The following ATP8A2 variants were observed in gnomAD, a reference collection of about 807,000 sequenced individuals.
ATP8A2 encodes ATPase phospholipid transporting 8A2.
In ATP8A2, 100 loss-of-function variants were observed where a neutral mutation model predicts 165.6. The observed-to-expected ratio is 0.60, with a 90% CI of 0.51 to 0.71. ATP8A2 has a LOEUF of 0.71. Among genes scored for constraint, ATP8A2 ranks in the 30% least tolerant of loss-of-function variants. ATP8A2 has a pLI of 0.00. For synonymous variants in ATP8A2, 543 were observed against 548.8 expected, an observed-to-expected ratio of 0.99 and a Z score of 0.15; for missense variants, 1,227 against 1,479.5, an observed-to-expected ratio of 0.83 and a Z score of 2.80.
intron 24 of ATP8A2, among the ~76,000 whole-genome samples, chr13:25,684,549 C>T (rs2042562004): frequency 6.6e-6 from 1 of 152,166 alleles, no homozygotes; most frequent in African/African-American, 2.4e-5. Flanking sequence ...TTAGAAACCT[C>T]TTGGTATATT....
At chr13:25,452,308 C>T (rs12875193) in intron 1 of ATP8A2, among the ~76,000 whole-genome samples, 7,074 of 152,294 alleles carry the variant, frequency 0.046, 205 homozygotes, top group East Asian at 0.094. Context: ...ACGGGCTGAG[C>T]GCACACAGAG....
At position 25,372,663 on chromosome 13, in the gene ATP8A2, G is replaced by T. The variant is rs978910200; in HGVS notation, c.76+375G>T. On this transcript the variant is annotated intron_variant, in intron 1 of 36. Coordinates refer to ENST00000381655, the MANE Select transcript of ATP8A2 (RefSeq NM_016529.6). This position sits in a 1 kb window ranked among gnomAD's most constrained non-coding sequence, Gnocchi z 4.8. ...TCACCGCGATGGTGGGCACGGTTTG[G>T]CGGCGCAGAGAAGATGCAGCCTTCC... Among the ~76,000 whole-genome samples, 1 of 152,224 alleles carries T rather than the reference G, an allele frequency of 6.6e-6. No homozygotes were observed. The highest frequency in any genetic ancestry group is 1.5e-5 in the Non-Finnish European group (1 of 68,038).
At chr13:25,595,144 A>T (rs2040203658) in intron 24 of ATP8A2, among the ~76,000 whole-genome samples, 1 of 152,220 alleles carries the variant, frequency 6.6e-6, no homozygotes, top group East Asian at 1.9e-4. Flanking sequence ...TAAGAGATTT[A>T]CTACATATTT....
chr13:25,824,226 C>T (rs1031492304), intron 27 of ATP8A2, among the ~76,000 whole-genome samples: 1 of 152,174 alleles, frequency 6.6e-6, no homozygotes, highest in East Asian at 1.9e-4. Flanking sequence ...CCCTCCTTGG[C>T]CTCCCAAAGT....
intron 25 of ATP8A2, among the ~76,000 whole-genome samples, chr13:25,710,411 G>A (rs1593232532): frequency 1.3e-5 from 2 of 152,182 alleles, no homozygotes; most frequent in South Asian, 2.1e-4. Flanking sequence ...CAACCCCTCT[G>A]TATCTCCCAT....
chr13:25,842,244 C>G (rs1951760600), intron 30 of ATP8A2, among the ~76,000 whole-genome samples: 1 of 152,040 alleles, frequency 6.6e-6, no homozygotes, highest in Non-Finnish European at 1.5e-5. Flanking sequence ...CCATGAAATC[C>G]AGCAGAAGGA....
In ATP8A2 at chr13:25,530,569, C is replaced by T; in HGVS notation, c.329C>T (p.Pro110Leu). 6.4e-7 allele frequency: 1 copy of T among 1,572,200 alleles called. No homozygotes were observed. The highest frequency in any genetic ancestry group is 8.7e-7 in the Non-Finnish European group (1 of 1,152,512). ...FLFIALLQQIPDVSPTGRYTT... is the reference protein window; with the variant it reads ...FLFIALLQQILDVSPTGRYTT... ...TGGTCTCTTATCTTCCAGCAAATTCCAGATGTATCTCCAACAGGAAGATAT... is the reference window on the plus strand; with the variant it reads ...TGGTCTCTTATCTTCCAGCAAATTCTAGATGTATCTCCAACAGGAAGATAT... Residue 110 changes from proline to leucine, a missense_variant, in exon 4 of 37, where the codon CCA becomes CTA. Around this residue, in one of 5 missense-constraint regions of ATP8A2, gnomAD observed 356 missense variants for 394.9 expected, o/e 0.90. Transcript: ENST00000381655.
At chr13:25,434,879 A>G (rs2034712319) in intron 1 of ATP8A2, among the ~76,000 whole-genome samples, 1 of 152,172 alleles carries the variant, frequency 6.6e-6, no homozygotes, top group Admixed American at 6.5e-5. Flanking sequence ...TGGACATATC[A>G]CTGCATTACT....
At chr13:25,810,130 T>C (rs929069869) in intron 27 of ATP8A2, among the ~76,000 whole-genome samples, 15 of 152,204 alleles carry the variant, frequency 9.9e-5, no homozygotes, top group Admixed American at 6.5e-5. Flanking sequence ...TTTGGTAGTC[T>C]CTAACCTCCA....
chr13:25,571,959 T>C (rs958590712), intron 18 of ATP8A2, among the ~76,000 whole-genome samples: 12 of 152,198 alleles, frequency 7.9e-5, no homozygotes, highest in African/African-American at 2.9e-4. Flanking sequence ...ACGAATCTAC[T>C]CTTTGTTCTA....
chr13:25,536,367 C>T (rs1247177467), intron 6 of ATP8A2, among the ~76,000 whole-genome samples: 10 of 151,908 alleles, frequency 6.6e-5, no homozygotes, highest in Admixed American at 2.6e-4. Context: ...CTGCCTGCTT[C>T]GGCCTCCCAA....
chr13:25,459,220 A>G (rs568512376), intron 1 of ATP8A2, among the ~76,000 whole-genome samples: 31 of 152,300 alleles, frequency 2.0e-4, no homozygotes, highest in African/African-American at 6.5e-4. Context: ...ACTGAATACC[A>G]CTTACTTAAA....
intron 32 of ATP8A2, among the ~76,000 whole-genome samples, chr13:25,861,296 T>C (rs1330368502): frequency 6.6e-6 from 1 of 152,236 alleles, no homozygotes; most frequent in African/African-American, 2.4e-5. Context: ...TTATAAAACA[T>C]AGGACTTTGT....
intron 24 of ATP8A2, among the ~76,000 whole-genome samples, chr13:25,659,281 G>A (rs1281707422): frequency 3.9e-5 from 6 of 152,176 alleles, no homozygotes; most frequent in Admixed American, 3.9e-4. Context: ...ATCATAGCAG[G>A]TTTCAACCTG....
At chr13:25,563,368 C>A (rs1044876486) in intron 15 of ATP8A2, among the ~76,000 whole-genome samples, 1 of 151,442 alleles carries the variant, frequency 6.6e-6, no homozygotes, top group African/African-American at 2.4e-5. Context: ...GAGATCACAC[C>A]ATTGCACTCC....
chr13:25,842,163 C>A (rs1464734344), intron 30 of ATP8A2, among the ~76,000 whole-genome samples: 1 of 152,136 alleles, frequency 6.6e-6, no homozygotes, highest in Non-Finnish European at 1.5e-5. Flanking sequence ...TATTAGATAT[C>A]AGAGGACTGA....
At chr13:25,790,556 A>T (rs577673225) in intron 27 of ATP8A2, among the ~76,000 whole-genome samples, 41 of 151,744 alleles carry the variant, frequency 2.7e-4, no homozygotes, top group Non-Finnish European at 5.9e-4. Flanking sequence ...TTAGCTGGGC[A>T]TGGTGGTGCA....
chr13:26,016,904 T>C (rs142995213), intron 36 of ATP8A2, among the ~76,000 whole-genome samples: 1 of 152,130 alleles, frequency 6.6e-6, no homozygotes, highest in East Asian at 1.9e-4. Context: ...GTCCAGGCCA[T>C]TTAATTTACA....
At chr13:25,928,057 G>A (rs1272794957) in intron 33 of ATP8A2, among the ~76,000 whole-genome samples, 2 of 152,218 alleles carry the variant, frequency 1.3e-5, no homozygotes, top group Non-Finnish European at 2.9e-5. Context: ...GAATGGAAAT[G>A]TTATGGTTTC....
Sources: gnomAD v4.1 joint callset for allele counts (sites outside exome capture counted in the v4.1 genomes callset) on GRCh38, gnomAD v4.1.1 for gene constraint, gnomAD v4.1.1 regional missense constraint, Gnocchi (gnomAD v3.1) non-coding constraint, MANE v1.5 for transcripts, NCBI Gene and HGNC (gene_info 2026-07-23, HGNC 2026-07-21) for gene names.